The following AMELY variants were observed in gnomAD, a reference collection of about 807,000 sequenced individuals.
The protein encoded by AMELY is amelogenin Y-linked, also known as amelogenin, Y isoform.
A neutral mutation model predicts 4.2 loss-of-function variants in AMELY; 4 were observed. The observed-to-expected ratio is 0.96, with a 90% CI of 0.47 to 2.19. The LOEUF (loss-of-function observed/expected upper bound fraction) is 2.19, where lower values mean the gene tolerates loss of function less well. AMELY is among the 30% of genes most tolerant of loss of function. The pLI, the probability that AMELY is intolerant of heterozygous loss-of-function variation, is 0.02. For synonymous variants in AMELY, 11 were observed against 14.7 expected (o/e 0.75, Z 0.57); for missense variants, 32 against 41.5 (o/e 0.77, Z 0.63).
chrY:6,904,797 C>G (rs977921976), intron 1 of AMELY, among the ~76,000 whole-genome samples: 2 of 33,616 alleles, frequency 5.9e-5, no homozygotes, highest in Admixed American at 2.7e-4. Context: ...GCACCCAGTT[C>G]ATGATAGGCA....
chrY:6,886,433 G>A (rs994548199), intron 1 of AMELY, among the ~76,000 whole-genome samples: 27 of 33,834 alleles, frequency 8.0e-4, no homozygotes, highest in African/African-American at 3.0e-3. Flanking sequence ...AACACTTTGA[G>A]AAACTCTGGT....
chrY:6,895,188 T>A (rs568651503), intron 1 of AMELY, among the ~76,000 whole-genome samples: 62 of 33,922 alleles, frequency 1.8e-3, no homozygotes, highest in Admixed American at 4.9e-3. Flanking sequence ...TATGACTCCC[T>A]TGTTATAACT....
At chrY:6,881,628 T>C (rs2054075055) in intron 1 of AMELY, among the ~76,000 whole-genome samples, 1 of 33,114 alleles carries the variant, frequency 3.0e-5, no homozygotes, top group African/African-American at 1.2e-4. Flanking sequence ...TAAGGACTAT[T>C]GAATTAGGAA....
At chrY:6,905,845 C>T (rs775417652) in intron 1 of AMELY, among the ~76,000 whole-genome samples, 13 of 32,661 alleles carry the variant, frequency 4.0e-4, no homozygotes, top group Non-Finnish European at 8.2e-4. Flanking sequence ...CTGCCCGTCT[C>T]GGCCTCCCAA....
intron 1 of AMELY, among the ~76,000 whole-genome samples, chrY:6,899,632 C>T (rs2054088155): frequency 3.1e-5 from 1 of 31,950 alleles, no homozygotes; most frequent in Non-Finnish European, 7.6e-5. Context: ...ACTCGGGAGG[C>T]GCAGGCAGGA....
intron 1 of AMELY, among the ~76,000 whole-genome samples, chrY:6,881,798 A>G (rs2054075149): frequency 3.0e-5 from 1 of 33,232 alleles, no homozygotes; most frequent in Non-Finnish European, 7.4e-5. Context: ...TAATAGAGAA[A>G]CAAAGAGCCA....
intron 1 of AMELY, among the ~76,000 whole-genome samples, chrY:6,905,846 G>A (rs747160722): frequency 6.2e-5 from 2 of 32,426 alleles, no homozygotes; most frequent in Admixed American, 5.9e-4. Context: ...TGCCCGTCTC[G>A]GCCTCCCAAA....
At chrY:6,871,501 C>T (rs2054067453) in intron 3 of AMELY, among the ~76,000 whole-genome samples, 1 of 33,071 alleles carries the variant, frequency 3.0e-5, no homozygotes, top group Non-Finnish European at 7.4e-5. Context: ...ATTCCTAACA[C>T]AGAAATCTTA....
intron 1 of AMELY, among the ~76,000 whole-genome samples, chrY:6,884,514 C>G: frequency 3.1e-5 from 1 of 32,327 alleles, no homozygotes; most frequent in Non-Finnish European, 7.6e-5. Context: ...CTAAACATCC[C>G]ACTTAAAAAG....
intron 1 of AMELY, among the ~76,000 whole-genome samples, chrY:6,877,679 C>T: frequency 3.1e-5 from 1 of 32,733 alleles, no homozygotes; most frequent in Non-Finnish European, 7.5e-5. Flanking sequence ...AACAAGCCGT[C>T]CAGTGGTCCA....
At chrY:6,875,319 T>C in intron 1 of AMELY, among the ~76,000 whole-genome samples, 1 of 33,291 alleles carries the variant, frequency 3.0e-5, no homozygotes, top group East Asian at 7.8e-4. Flanking sequence ...CCTTAGTAAA[T>C]GGAAAGTTAT....
chrY:6,874,712 C>A, intron 1 of AMELY, among the ~76,000 whole-genome samples: 1 of 33,866 alleles, frequency 3.0e-5, no homozygotes, highest in Non-Finnish European at 7.4e-5. Context: ...TTTCTGCTTT[C>A]TTTCATGCAT....
chrY:6,885,282 A>G (rs748356208), intron 1 of AMELY, among the ~76,000 whole-genome samples: 2 of 33,564 alleles, frequency 6.0e-5, no homozygotes, highest in East Asian at 7.9e-4. Flanking sequence ...GATCGAGACC[A>G]TCCTAACACA....
At chrY:6,903,757 C>A (rs994323712) in intron 1 of AMELY, among the ~76,000 whole-genome samples, 4 of 33,985 alleles carry the variant, frequency 1.2e-4, no homozygotes, top group Non-Finnish European at 7.3e-5. Context: ...CGTGAGTCCA[C>A]AGATGGTAGT....
intron 1 of AMELY, among the ~76,000 whole-genome samples, chrY:6,878,484 C>T (rs760987238): frequency 3.0e-5 from 1 of 33,041 alleles, no homozygotes; most frequent in East Asian, 8.0e-4. Context: ...TTATCTTGTC[C>T]GGGATCCTAT....
intron 1 of AMELY, among the ~76,000 whole-genome samples, chrY:6,885,411 C>G (rs2054079379): frequency 2.9e-5 from 1 of 34,157 alleles, no homozygotes; most frequent in Non-Finnish European, 7.3e-5. Flanking sequence ...GGAGGCAGAG[C>G]TTGCAGGGAG....
chrY:6,909,149 G>C (rs1603023676), intron 1 of AMELY, among the ~76,000 whole-genome samples: 1 of 33,648 alleles, frequency 3.0e-5, no homozygotes, highest in East Asian at 7.8e-4. Flanking sequence ...TGGCTGTGCA[G>C]CTACTTGAGA....
chrY:6,897,349 C>T (rs2054086612), intron 1 of AMELY, among the ~76,000 whole-genome samples: 2 of 33,360 alleles, frequency 6.0e-5, no homozygotes, highest in African/African-American at 2.3e-4. Context: ...TATAGGCTGC[C>T]TATTTCTATA....
chrY:6,910,660 C>T, intron 1 of AMELY: 1 of 59,471 alleles, frequency 1.7e-5, no homozygotes, highest in African/African-American at 1.1e-4. Flanking sequence ...GTCCCGCCCT[C>T]TGTCGCTGCA....
Sources: gnomAD v4.1 joint callset for allele counts (sites outside exome capture counted in the v4.1 genomes callset) on GRCh38, gnomAD v4.1.1 for gene constraint, MANE v1.5 for transcripts, NCBI Gene and HGNC (gene_info 2026-07-23, HGNC 2026-07-21) for gene names.